The following TTC28 variants were observed in gnomAD, a reference collection of about 807,000 sequenced individuals.
TTC28 encodes tetratricopeptide repeat domain 28.
A neutral mutation model predicts 198.0 loss-of-function variants in TTC28; 61 were observed. That is an observed-to-expected ratio of 0.31 (90% CI 0.25 to 0.38). TTC28 has a LOEUF of 0.38. Among genes scored for constraint, TTC28 ranks in the 10% least tolerant of loss-of-function variants. The pLI is 1.00. For missense variants in TTC28, 2,678 were observed against 3,164.0 expected, an observed-to-expected ratio of 0.85 and a Z score of 3.69; for synonymous variants, 1,171 against 1,297.8, an observed-to-expected ratio of 0.90 and a Z score of 2.10.
chr22:28,464,281 G>A (rs1399475275), intron 2 of TTC28, among the ~76,000 whole-genome samples: 1 of 152,172 alleles, frequency 6.6e-6, no homozygotes, highest in Non-Finnish European at 1.5e-5. Flanking sequence ...TGATACTGGA[G>A]TTTTAAATTT....
intron 13 of TTC28, among the ~76,000 whole-genome samples, chr22:28,022,273 G>C (rs952785650): frequency 3.9e-5 from 6 of 152,296 alleles, no homozygotes; most frequent in African/African-American, 1.4e-4. Context: ...CATCTGTGAA[G>C]ACCCTGTCCC....
chr22:28,542,721 A>T (rs1417038790), intron 2 of TTC28, among the ~76,000 whole-genome samples: 2 of 152,186 alleles, frequency 1.3e-5, no homozygotes, highest in Admixed American at 6.5e-5. Flanking sequence ...ATAACAGAAA[A>T]GATTTTGAAG....
intron 1 of TTC28, among the ~76,000 whole-genome samples, chr22:28,640,567 A>AAATAATAAT (rs139282856): frequency 0.15 from 21,559 of 147,194 alleles, 1,946 homozygotes; most frequent in East Asian, 0.34. Context: ...CAAACTGTTA[A>AAATAATAAT]AATAATAATA....
intron 2 of TTC28, among the ~76,000 whole-genome samples, chr22:28,459,538 C>A (rs2047916598): frequency 1.3e-5 from 2 of 152,188 alleles, no homozygotes; most frequent in South Asian, 4.1e-4. Flanking sequence ...CAAAGTGCCA[C>A]CGACCCCCCT....
intron 2 of TTC28, among the ~76,000 whole-genome samples, chr22:28,576,234 C>A (rs2050148426): frequency 6.6e-6 from 1 of 151,884 alleles, no homozygotes; most frequent in African/African-American, 2.4e-5. Flanking sequence ...GCTTTTTCAG[C>A]AAGTTGAAAT....
chr22:28,242,999 A>G (rs556633807), intron 5 of TTC28, among the ~76,000 whole-genome samples: 189 of 150,838 alleles, frequency 1.3e-3, no homozygotes, highest in African/African-American at 4.5e-3. Flanking sequence ...TTAAAAATCA[A>G]TCTGACAGAG....
chr22:28,458,906 A>G (rs1294022939), intron 2 of TTC28, among the ~76,000 whole-genome samples: 1 of 151,728 alleles, frequency 6.6e-6, no homozygotes, highest in East Asian at 2.0e-4. Flanking sequence ...ATTTACCAAA[A>G]TAATAATACC....
chr22:28,427,331 T>G (rs1348557790), intron 2 of TTC28, among the ~76,000 whole-genome samples: 2 of 152,232 alleles, frequency 1.3e-5, no homozygotes, highest in Non-Finnish European at 2.9e-5. Flanking sequence ...TCTTGCCTCC[T>G]TTCTTTCTTT....
At chr22:28,329,133 A>G (rs2045578130) in intron 2 of TTC28, among the ~76,000 whole-genome samples, 1 of 152,136 alleles carries the variant, frequency 6.6e-6, no homozygotes, top group Non-Finnish European at 1.5e-5. Context: ...TTGCTGTCCT[A>G]TAACTTACCC....
chr22:28,235,721 G>C (rs1186340297), intron 5 of TTC28, among the ~76,000 whole-genome samples: 1 of 152,174 alleles, frequency 6.6e-6, no homozygotes, highest in Non-Finnish European at 1.5e-5. Context: ...GGGGAAAACT[G>C]AATAGTCTTT....
intron 2 of TTC28, among the ~76,000 whole-genome samples, chr22:28,533,846 G>T (rs577947573): frequency 6.6e-6 from 1 of 152,130 alleles, no homozygotes; most frequent in Non-Finnish European, 1.5e-5. Flanking sequence ...CTGGGAAAAC[G>T]GACTAGCCAT....
intron 2 of TTC28, among the ~76,000 whole-genome samples, chr22:28,485,562 T>G (rs1417836043): frequency 1.3e-5 from 2 of 152,188 alleles, no homozygotes; most frequent in Non-Finnish European, 2.9e-5. Flanking sequence ...AGCATTGATA[T>G]GGGAGATGAT....
chr22:28,414,878 C>T (rs751460137), intron 2 of TTC28, among the ~76,000 whole-genome samples: 5 of 152,064 alleles, frequency 3.3e-5, no homozygotes, highest in Non-Finnish European at 5.9e-5. Context: ...GAGTAATAAG[C>T]AATAATCAGT....
At chr22:27,983,924 C>T (rs1368996223) in intron 22 of TTC28, 73 bp from the exon 23 acceptor site, 55 of 1,447,002 alleles carry the variant, frequency 3.8e-5, no homozygotes, top group South Asian at 1.6e-4. Context: ...TCAAAATTTA[C>T]GACATCTTTA....
chr22:28,672,033 C>CT (rs980137007), intron 1 of TTC28, among the ~76,000 whole-genome samples: 48 of 146,180 alleles, frequency 3.3e-4, no homozygotes, highest in Middle Eastern at 3.4e-3. Context: ...AACTAAAACA[C>CT]TTTTTTTTTT....
At chr22:28,675,688 G>A (rs1431441701) in intron 1 of TTC28, among the ~76,000 whole-genome samples, 1 of 150,964 alleles carries the variant, frequency 6.6e-6, no homozygotes, top group Non-Finnish European at 1.5e-5. Flanking sequence ...GCAGTGAGCT[G>A]TGATCCTACC....
At chr22:28,651,343 C>T (rs2051560989) in intron 1 of TTC28, among the ~76,000 whole-genome samples, 1 of 141,108 alleles carries the variant, frequency 7.1e-6, no homozygotes, top group African/African-American at 2.8e-5. Context: ...GCTGTGTTGC[C>T]CAAGCTGGAG....
At chr22:28,399,986 G>A (rs147844755) in intron 2 of TTC28, among the ~76,000 whole-genome samples, 10 of 152,214 alleles carry the variant, frequency 6.6e-5, no homozygotes, top group East Asian at 3.9e-4. Flanking sequence ...TATTCCCATC[G>A]TCCAGAAAGA....
intron 2 of TTC28, among the ~76,000 whole-genome samples, chr22:28,521,513 A>T (rs1390098499): frequency 1.3e-5 from 2 of 152,216 alleles, no homozygotes; most frequent in African/African-American, 4.8e-5. Flanking sequence ...AAAAGAGCTG[A>T]GCAGATATTC....
Sources: allele counts gnomAD v4.1 joint callset (sites outside exome capture counted in the v4.1 genomes callset), GRCh38; gene constraint gnomAD v4.1.1; transcripts MANE v1.5; gene names NCBI Gene and HGNC (gene_info 2026-07-23, HGNC 2026-07-21).